The following ATP8A2 variants were observed in gnomAD, a reference collection of about 807,000 sequenced individuals.
ATP8A2 encodes phospholipid-transporting ATPase IB.
In ATP8A2, 100 loss-of-function variants were observed where a neutral mutation model predicts 165.6. That is an observed-to-expected ratio of 0.60 (90% CI 0.51 to 0.71). ATP8A2 has a LOEUF of 0.71. Among genes scored for constraint, ATP8A2 ranks in the 30% least tolerant of loss-of-function variants. The probability of loss-of-function intolerance (pLI) is 0.00; values close to 1 mark genes in which losing one functional copy is unlikely to be tolerated. For missense variants in ATP8A2, 1,227 were observed against 1,479.5 expected (o/e 0.83, Z 2.80); for synonymous variants, 543 against 548.8 (o/e 0.99, Z 0.15).
intron 33 of ATP8A2, among the ~76,000 whole-genome samples, chr13:25,954,331 C>T (rs940544028): frequency 9.2e-5 from 14 of 152,220 alleles, no homozygotes; most frequent in Non-Finnish European, 2.1e-4. Flanking sequence ...GGCAGGGCAT[C>T]TCTGAAAGAA....
chr13:25,730,967 G>A (rs749812516), intron 25 of ATP8A2, among the ~76,000 whole-genome samples: 1 of 151,862 alleles, frequency 6.6e-6, no homozygotes, highest in Non-Finnish European at 1.5e-5. Context: ...CCAGCCGCAC[G>A]AGAGACTGAG....
At chr13:25,855,380 C>A (rs1297193690) in intron 30 of ATP8A2, among the ~76,000 whole-genome samples, 1 of 152,116 alleles carries the variant, frequency 6.6e-6, no homozygotes, top group Non-Finnish European at 1.5e-5. Flanking sequence ...GAATATGTGG[C>A]CTTTGGTGTC....
chr13:25,814,098 G>GACACACAA (rs1555270906), intron 27 of ATP8A2, among the ~76,000 whole-genome samples: 1 of 149,418 alleles, frequency 6.7e-6, no homozygotes, highest in Non-Finnish European at 1.5e-5. Context: ...CACACATACA[G>GACACACAA]ACACACACAC....
chr13:25,693,671 GTC>G (rs71186897), intron 24 of ATP8A2, among the ~76,000 whole-genome samples: 11 of 148,828 alleles, frequency 7.4e-5, no homozygotes, highest in African/African-American at 1.2e-4. Context: ...AGATCTCTCT[GTC>G]TCTCTCTCTC....
chr13:25,903,619 T>C (rs1953836623), intron 33 of ATP8A2, among the ~76,000 whole-genome samples: 1 of 152,362 alleles, frequency 6.6e-6, no homozygotes, highest in Admixed American at 6.5e-5. Flanking sequence ...CTCATTGCTC[T>C]CTGCCACGGT....
At chr13:25,444,238 G>A (rs2035011013) in intron 1 of ATP8A2, among the ~76,000 whole-genome samples, 1 of 152,180 alleles carries the variant, frequency 6.6e-6, no homozygotes. Context: ...CAGTCTGTGA[G>A]ATCAGTGGTG....
At chr13:25,539,099 GTTT>G (rs752787713) in intron 7 of ATP8A2, among the ~76,000 whole-genome samples, 1 of 133,666 alleles carries the variant, frequency 7.5e-6, no homozygotes, top group Non-Finnish European at 1.6e-5. Context: ...GTGTGTGTGT[GTTT>G]TGTTTTGTTT....
At chr13:25,915,435 A>T (rs1037113076) in intron 33 of ATP8A2, among the ~76,000 whole-genome samples, 1 of 152,246 alleles carries the variant, frequency 6.6e-6, no homozygotes, top group Non-Finnish European at 1.5e-5. Context: ...GACCAAGACA[A>T]GAAGCAATAA....
At chr13:25,627,088 G>A (rs1270595591) in intron 24 of ATP8A2, among the ~76,000 whole-genome samples, 20 of 152,096 alleles carry the variant, frequency 1.3e-4, no homozygotes, top group Non-Finnish European at 2.9e-5. Flanking sequence ...CTTAGATAGG[G>A]TGGTAAACAG....
intron 25 of ATP8A2, among the ~76,000 whole-genome samples, chr13:25,735,512 C>A (rs570535551): frequency 7.9e-5 from 12 of 151,928 alleles, no homozygotes; most frequent in African/African-American, 2.9e-4. Context: ...CTTCCTACCT[C>A]GGCCTCCCAA....
chr13:25,579,860 G>T lies in ATP8A2; in HGVS notation c.1920G>T (p.Glu640Asp). ...AYADLSENEY[E>D]EWLKVYQEAS... Reference sequence around the variant, plus strand: ...CTGATCTCTCTGAGAATGAGTATGAGGAGTGGCTGAAAGTCTATCAGGAAG... The same window carrying T: ...CTGATCTCTCTGAGAATGAGTATGATGAGTGGCTGAAAGTCTATCAGGAAG... Residue 640 changes from glutamate (E) to aspartate (D), a missense_variant, in exon 22 of 37, where the codon GAG (glutamate) becomes GAT (aspartate). Physicochemically the swap from Glu to Asp is conservative, Grantham distance 45 (BLOSUM62 2). Transcript: ENST00000381655. 1 of 1,613,990 alleles carries T rather than the reference G, an allele frequency of 6.2e-7. No homozygotes were observed. The highest frequency in any genetic ancestry group is 1.7e-5 in the Admixed American group (1 of 60,008).
At chr13:25,874,319 C>T (rs1240790504) in intron 33 of ATP8A2, among the ~76,000 whole-genome samples, 21 of 152,180 alleles carry the variant, frequency 1.4e-4, no homozygotes, top group Admixed American at 1.3e-3. Context: ...GCACTGGTCT[C>T]CGCCTCCTAC....
chr13:25,695,403 A>C (rs974008576), intron 24 of ATP8A2, among the ~76,000 whole-genome samples: 1 of 152,142 alleles, frequency 6.6e-6, no homozygotes, highest in African/African-American at 2.4e-5. Context: ...CAATTTCTCA[A>C]AATAAGACAA....
chr13:25,372,230 C>T lies in ATP8A2; in HGVS notation c.18C>T (p.Gly6=). 6.8e-7 allele frequency: 1 copy of T among 1,479,086 alleles called. No individual in the cohort carries two copies. The highest frequency in any genetic ancestry group is 9.0e-7 in the Non-Finnish European group (1 of 1,111,992). 91.6% of individuals were successfully genotyped at this position (1,479,086 alleles called of 1,614,324 possible). ...CGGGCGAGATGCTGAACGGCGCAGG[C>T]CTGGACAAAGCTCTTAAGATGTCCC... MLNGA[G]LDKALKMSLP... The change falls in exon 1 of 37, where the codon GGC becomes GGT. Residue 6 remains glycine (G), a synonymous_variant. Coordinates refer to ENST00000381655, the MANE Select transcript of ATP8A2 (RefSeq NM_016529.6). The surrounding 1 kb of genome is among the most constrained non-coding windows in gnomAD (Gnocchi z 4.8).
chr13:25,880,141 A>G (rs1478965027), intron 33 of ATP8A2, among the ~76,000 whole-genome samples: 3 of 152,240 alleles, frequency 2.0e-5, no homozygotes, highest in African/African-American at 7.2e-5. Flanking sequence ...ATAATCAGTT[A>G]TCAGATAATC....
Position 25,968,636 on chromosome 13 carries a change from C to A in ATP8A2, c.3334C>A (p.Arg1112=). ...EEVQELETKS[R]VLGKAVLRDS... ...GGTGCAGGAGCTGGAAACCAAGTCT[C>A]GAGTCCTGGGAAAAGCGGTGCTGCG... is the stretch of plus-strand genomic sequence containing the variant. The change falls in exon 35 of 37, where the codon CGA becomes AGA. Residue 1112 remains arginine, a synonymous_variant. Transcript: ENST00000381655. The A allele has an allele frequency of 6.2e-7, 1 of 1,613,798 alleles. No homozygotes were observed. Among genetic ancestry groups the A allele is most frequent in the South Asian group, 1.1e-5 (1 of 90,806 alleles).
At chr13:25,784,610 T>G (rs1191710932) in intron 27 of ATP8A2, among the ~76,000 whole-genome samples, 1 of 152,176 alleles carries the variant, frequency 6.6e-6, no homozygotes, top group Admixed American at 6.5e-5. Context: ...GGTTTTTGGG[T>G]TTTGTTTGTT....
In ATP8A2 at chr13:25,388,915, C is replaced by T. The variant is rs183350346; in HGVS notation, c.76+16627C>T. 5.3e-5 allele frequency among the ~76,000 whole-genome samples: 8 copies of T among 152,222 alleles called. No individual in the cohort carries two copies. The East Asian group carries it at 1.4e-3, about 26-fold the overall frequency. On this transcript the variant is annotated intron_variant, in intron 1 of 36. Transcript: ENST00000381655. Reference sequence around the variant, plus strand: ...CATGTTTGATGGAAAACAGATTCACCAGGGAAGAGAAAGCCAATGGGAATC... The same window carrying T: ...CATGTTTGATGGAAAACAGATTCACTAGGGAAGAGAAAGCCAATGGGAATC...
At chr13:25,980,418 C>T (rs189715191) in intron 35 of ATP8A2, among the ~76,000 whole-genome samples, 3 of 152,076 alleles carry the variant, frequency 2.0e-5, no homozygotes, top group Non-Finnish European at 4.4e-5. Flanking sequence ...GGGGAAGGAA[C>T]GTTCCAGGCA....
Sources: gnomAD v4.1 joint callset for allele counts (sites outside exome capture counted in the v4.1 genomes callset) on GRCh38, gnomAD v4.1.1 for gene constraint, Gnocchi (gnomAD v3.1) non-coding constraint, MANE v1.5 for transcripts, NCBI Gene and HGNC (gene_info 2026-07-23, HGNC 2026-07-21) for gene names.